Variants in SEC31A observed in about 807,000 individuals in gnomAD.
SEC31A encodes SEC31 homolog A, COPII component.
Under a neutral mutation model 151.0 loss-of-function variants are expected in SEC31A, and 70 were observed. The ratio of observed to expected loss-of-function variants is 0.46; its 90% CI spans 0.38 to 0.57. SEC31A has a LOEUF of 0.57. Among genes scored for constraint, SEC31A ranks in the 20% least tolerant of loss-of-function variants. SEC31A has a pLI of 0.00. For missense variants in SEC31A, 1,330 were observed against 1,471.2 expected (o/e 0.90, Z 1.57); for synonymous variants, 475 against 505.9 (o/e 0.94, Z 0.82).
intron 20 of SEC31A, among the ~76,000 whole-genome samples, chr4:82,848,222 T>C (rs867071148): frequency 6.6e-6 from 1 of 151,542 alleles, no homozygotes; most frequent in South Asian, 2.1e-4. Context: ...TTTGGTAATT[T>C]AAATAAAATT....
intron 17 of SEC31A, 46 bp downstream of exon 17, chr4:82,854,857 C>A: frequency 6.6e-7 from 1 of 1,524,998 alleles, no homozygotes; most frequent in Non-Finnish European, 8.8e-7. Flanking sequence ...TACAATATAC[C>A]CTGCCACGTA....
chr4:82,846,366 C>CATAATAATAATAATAATAATAATAATA, intron 20 of SEC31A, among the ~76,000 whole-genome samples: 1 of 140,538 alleles, frequency 7.1e-6, no homozygotes, highest in East Asian at 2.1e-4. Context: ...AACTCCAAAA[C>CATAATAATAATAATAATAATAATAATA]ATAATAATAA....
chr4:82,884,176 A>G (rs971773800), intron 1 of SEC31A, among the ~76,000 whole-genome samples: 15 of 151,530 alleles, frequency 9.9e-5, no homozygotes, highest in Non-Finnish European at 1.6e-4. Flanking sequence ...TTTAGTAGAG[A>G]CGGGGTTTCA....
In SEC31A at chr4:82,891,132, T is replaced by C. The variant is rs1719676621; in HGVS notation, c.-49A>G. On this transcript the variant is annotated 5_prime_UTR_variant, in exon 1 of 27. Transcript: ENST00000395310. Reference sequence around the variant, plus strand: ...GCCGGATCCTGCGTTAGTGCAGCGCTCGTCGGACTCTCCCAGCATTCGCCG... The same window carrying C: ...GCCGGATCCTGCGTTAGTGCAGCGCCCGTCGGACTCTCCCAGCATTCGCCG... 1 of 1,535,868 alleles carries C rather than the reference T, an allele frequency of 6.5e-7. No homozygotes were observed. The highest frequency in any genetic ancestry group is 1.4e-5 in the African/African-American group (1 of 73,124).
At chr4:82,872,373 G>A (rs1415486092) in intron 6 of SEC31A, among the ~76,000 whole-genome samples, 1 of 152,068 alleles carries the variant, frequency 6.6e-6, no homozygotes, top group Non-Finnish European at 1.5e-5. Flanking sequence ...ATTTTTAGTA[G>A]ATATGAGGTT....
chr4:82,838,323 C>G (rs1193279771), intron 22 of SEC31A, among the ~76,000 whole-genome samples: 1 of 152,094 alleles, frequency 6.6e-6, no homozygotes, highest in Non-Finnish European at 1.5e-5. Context: ...AAAGTGCTCT[C>G]CCTCCTAGAA....
chr4:82,820,858 A>C (rs1200100771), intron 26 of SEC31A, among the ~76,000 whole-genome samples, 179 bp downstream of exon 26: 2 of 151,946 alleles, frequency 1.3e-5, no homozygotes, highest in African/African-American at 2.4e-5. Flanking sequence ...ACACACACAC[A>C]CCCGTATCCC....
chr4:82,836,579 T>C (rs1441389726), intron 22 of SEC31A, among the ~76,000 whole-genome samples: 1 of 152,082 alleles, frequency 6.6e-6, no homozygotes, highest in Non-Finnish European at 1.5e-5. Flanking sequence ...TAGATGAACC[T>C]GGAAGACATT....
At chr4:82,828,835 TTTCC>T (rs1725247605) in intron 23 of SEC31A, among the ~76,000 whole-genome samples, 161 bp downstream of exon 23, 1 of 152,166 alleles carries the variant, frequency 6.6e-6, no homozygotes, top group Non-Finnish European at 1.5e-5. Flanking sequence ...TTCTACTTCC[TTTCC>T]TTCCTTCCAT....
chr4:82,833,610 A>C (rs896677032), intron 22 of SEC31A, among the ~76,000 whole-genome samples: 1 of 152,058 alleles, frequency 6.6e-6, no homozygotes, highest in African/African-American at 2.4e-5. Flanking sequence ...AGGAAACCAA[A>C]GTTTATAGCA....
At chr4:82,894,289 C>G (rs912922196), upstream of SEC31A, 1 of 152,170 alleles carries the variant, frequency 6.6e-6, no homozygotes, top group Admixed American at 6.5e-5. Flanking sequence ...GTTTTGTCTT[C>G]AGGATTGCGC....
At chr4:82,856,917 T>G in intron 16 of SEC31A, 35 bp downstream of exon 16, 1 of 1,541,748 alleles carries the variant, frequency 6.5e-7, no homozygotes, top group South Asian at 1.2e-5. Flanking sequence ...ATTAGAAAGA[T>G]AAATACGTTA....
chr4:82,865,536 GTATATATATATATATATATATATATA>G (rs55681370), intron 10 of SEC31A, among the ~76,000 whole-genome samples: 17,898 of 137,146 alleles, frequency 0.13, 1,987 homozygotes, highest in African/African-American at 0.28. Flanking sequence ...AAAAAATGTG[GTATATATATATATATATATATATATA>G]TATATATATA....
intron 3 of SEC31A, among the ~76,000 whole-genome samples, chr4:82,896,426 C>G (rs1720059604): frequency 6.6e-6 from 1 of 152,106 alleles, no homozygotes; most frequent in Non-Finnish European, 1.5e-5. Flanking sequence ...CCATGTTGGC[C>G]AGGCTGGTCT....
At chr4:82,871,061 G>A (rs7679818) in intron 7 of SEC31A, among the ~76,000 whole-genome samples, 27,164 of 152,066 alleles carry the variant, frequency 0.18, 2,896 homozygotes, top group East Asian at 0.49. Flanking sequence ...GCGTGTGCCT[G>A]TAGTTCCAGG....
chr4:82,862,138 C>A (rs1391121770), intron 13 of SEC31A, among the ~76,000 whole-genome samples: 2 of 151,168 alleles, frequency 1.3e-5, no homozygotes, highest in Non-Finnish European at 2.9e-5. Flanking sequence ...GTCTTGAACT[C>A]CTGACCTCAG....
At chr4:82,870,092 AGGG>A (rs1736312128) in intron 8 of SEC31A, among the ~76,000 whole-genome samples, 1 of 152,194 alleles carries the variant, frequency 6.6e-6, no homozygotes, top group South Asian at 2.1e-4. Flanking sequence ...GGAAATGAGG[AGGG>A]GATGGTTACT....
chr4:82,826,555 G>A (rs1724625401), intron 24 of SEC31A, among the ~76,000 whole-genome samples: 1 of 152,204 alleles, frequency 6.6e-6, no homozygotes, highest in African/African-American at 2.4e-5. Context: ...GTTTCACCAT[G>A]CTGGCCAGGC....
At chr4:82,891,011 G>A (rs1419263162) in intron 1 of SEC31A, 77 bp downstream of exon 1, 5 of 1,523,770 alleles carry the variant, frequency 3.3e-6, no homozygotes, top group Non-Finnish European at 4.4e-6. Flanking sequence ...CCCAGGCTGC[G>A]GTCCCAGTTT....
Sources: allele counts gnomAD v4.1 joint callset (sites outside exome capture counted in the v4.1 genomes callset), GRCh38; gene constraint gnomAD v4.1.1; transcripts MANE v1.5; gene names NCBI Gene and HGNC (gene_info 2026-07-23, HGNC 2026-07-21).